The following TCEA3 variants were observed in gnomAD, a reference collection of about 807,000 sequenced individuals.
The protein encoded by TCEA3 is transcription elongation factor A3.
Under a neutral mutation model 44.0 loss-of-function variants are expected in TCEA3, and 36 were observed. That is an observed-to-expected ratio of 0.82 (90% CI 0.63 to 1.08). TCEA3 has a LOEUF of 1.08. Ranked by LOEUF, TCEA3 falls within the 50% of genes least tolerant of loss-of-function variation. The pLI is 0.00. For missense variants in TCEA3, 392 were observed against 441.2 expected (o/e 0.89, Z 1.00); for synonymous variants, 162 against 159.7 (o/e 1.01, Z -0.11).
chr1:23,397,471 C>A, intron 7 of TCEA3, 74 bp downstream of exon 7: 1 of 1,427,026 alleles, frequency 7.0e-7, no homozygotes, highest in Non-Finnish European at 9.7e-7. Context: ...CTCACTCTCC[C>A]AGCTCGCTTG....
intron 4 of TCEA3, among the ~76,000 whole-genome samples, chr1:23,410,274 G>A (rs1162391904): frequency 2.0e-5 from 3 of 152,024 alleles, no homozygotes; most frequent in East Asian, 3.9e-4. Flanking sequence ...CAGTGGGAGA[G>A]GGGAGAGAAG....
intron 5 of TCEA3, among the ~76,000 whole-genome samples, chr1:23,405,994 T>C (rs1639533314): frequency 6.6e-6 from 1 of 152,150 alleles, no homozygotes; most frequent in South Asian, 2.1e-4. Flanking sequence ...ACCCCTACTT[T>C]GGCCCAAGTC....
chr1:23,408,708 G>A lies in TCEA3; in HGVS notation c.399C>T (p.Ser133=), dbSNP rs1330749556. The change falls in exon 5 of 11, where the codon TCC becomes TCT. Residue 133 remains serine, a synonymous_variant. Transcript: ENST00000450454. ...TTGGAGAGGAGGAGGCAGAAGACTTGGAGTCCACAGAGTCTCTCCTGAAAG... is the reference window on the plus strand; with the variant it reads ...TTGGAGAGGAGGAGGCAGAAGACTTAGAGTCCACAGAGTCTCTCCTGAAAG... ...DPKTRRDSVD[S]KSSASSSPKR... 6.2e-7 allele frequency: 1 copy of A among 1,610,400 alleles called. No homozygotes were observed. The highest frequency in any genetic ancestry group is 8.5e-7 in the Non-Finnish European group (1 of 1,178,496).
intron 4 of TCEA3, among the ~76,000 whole-genome samples, chr1:23,409,509 A>G (rs1367869949): frequency 6.6e-6 from 1 of 151,946 alleles, no homozygotes; most frequent in Non-Finnish European, 1.5e-5. Context: ...CTTCCTTTTA[A>G]TTCCATAGCA....
chr1:23,390,549 A>G (rs556056929), intron 8 of TCEA3, among the ~76,000 whole-genome samples: 1 of 152,240 alleles, frequency 6.6e-6, no homozygotes, highest in South Asian at 2.1e-4. Flanking sequence ...TGTTTGGGGA[A>G]AAGTATTTGG....
chr1:23,417,895 C>T lies in TCEA3; in HGVS notation c.238+9G>A. The T allele has an allele frequency of 6.2e-7, 1 of 1,613,508 alleles. No homozygotes were observed. Among genetic ancestry groups the T allele is most frequent in the Non-Finnish European group, 8.5e-7 (1 of 1,179,434 alleles). ...AAACAGGGCTCAAGACAACCTTGTC[C>T]TCTCTCACCTAGCAGCCGCTTCCAG... On this transcript the variant is annotated intron_variant, in intron 3 of 10. Coordinates refer to ENST00000450454, the MANE Select transcript of TCEA3 (RefSeq NM_003196.3).
intron 8 of TCEA3, among the ~76,000 whole-genome samples, chr1:23,392,300 T>G (rs1055555385): frequency 2.8e-4 from 40 of 143,646 alleles, no homozygotes; most frequent in African/African-American, 1.0e-3. Context: ...GCCACACATA[T>G]GCTAATCACA....
At chr1:23,399,166 A>ATATATATC (rs1639319875) in intron 5 of TCEA3, among the ~76,000 whole-genome samples, 1 of 138,072 alleles carries the variant, frequency 7.2e-6, no homozygotes, top group Non-Finnish European at 1.6e-5. Context: ...ATATATATAT[A>ATATATATC]TATATATATA....
rs1570292573 is a variant in TCEA3, at chr1:23,418,144, C to T, written c.133-135G>A. The T allele has an allele frequency of 3.6e-6, 3 of 822,368 alleles. No homozygotes were observed. The East Asian group carries it at 8.0e-5, about 22-fold the overall frequency. The allele number at this position is 822,368 out of a possible 1,614,324, so 50.9% of individuals were successfully genotyped here. A position where few individuals can be genotyped will look rare whatever the true frequency, so the allele number is the denominator to read the frequency against. Reference sequence around the variant, plus strand: ...ACCCCCAGAGTCCTAGCCCTGACTCCTGGCTGAGGTCAGAACCCCACTACT... The same window carrying T: ...ACCCCCAGAGTCCTAGCCCTGACTCTTGGCTGAGGTCAGAACCCCACTACT... On this transcript the variant is annotated intron_variant, in intron 2 of 10. Transcript: ENST00000450454.
intron 5 of TCEA3, among the ~76,000 whole-genome samples, chr1:23,406,170 A>G (rs891498878): frequency 1.3e-5 from 2 of 152,148 alleles, no homozygotes; most frequent in African/African-American, 2.4e-5. Flanking sequence ...TCCCTCTCCA[A>G]TCAGCACTCC....
At chr1:23,383,933 A>G (rs1347808430) in intron 10 of TCEA3, 5 of 1,027,784 alleles carry the variant, frequency 4.9e-6, no homozygotes, top group Non-Finnish European at 5.8e-6. Flanking sequence ...GACAGGGCTC[A>G]GCCTTCCTGT....
intron 9 of TCEA3, among the ~76,000 whole-genome samples, chr1:23,386,789 C>T (rs1364906881): frequency 6.6e-6 from 1 of 152,088 alleles, no homozygotes; most frequent in East Asian, 1.9e-4. Context: ...GGCATGATCT[C>T]GGTTCACTGC....
chr1:23,420,627 A>G (rs1009795616), intron 1 of TCEA3, among the ~76,000 whole-genome samples: 1 of 152,220 alleles, frequency 6.6e-6, no homozygotes, highest in Non-Finnish European at 1.5e-5. Context: ...TAAAGCTTCT[A>G]GGTACATTCA....
intron 8 of TCEA3, among the ~76,000 whole-genome samples, chr1:23,389,304 AT>A (rs1340301754): frequency 2.0e-5 from 3 of 152,138 alleles, no homozygotes; most frequent in Non-Finnish European, 4.4e-5. Context: ...CCAGGTCAAC[AT>A]GGTGAAACCC....
In TCEA3 at chr1:23,419,093, G is replaced by A. The variant is rs1639981300; in HGVS notation, c.116C>T (p.Ser39Phe). The part of the protein sequence containing the change: ...LLKKLHSCQM[S>F]IQLLQTTRIG... ...CCGCCCCACCTGTAGTAGCTGGATG[G>A]ACATCTGGCAGCTGTGCAGCTTCTT... The change falls in exon 2 of 11, where the codon TCC (serine) becomes TTC (phenylalanine). Residue 39 changes from serine to phenylalanine, a missense_variant. By Grantham distance (155) the Ser-to-Phe change is radical (BLOSUM62 -2). Coordinates refer to ENST00000450454, the MANE Select transcript of TCEA3 (RefSeq NM_003196.3). 2 of 1,591,362 alleles carry A rather than the reference G, an allele frequency of 1.3e-6. No homozygotes were observed. Among genetic ancestry groups the A allele is most frequent in the African/African-American group, 2.7e-5 (2 of 73,040 alleles).
chr1:23,400,766 C>A (rs1570257344), intron 5 of TCEA3, among the ~76,000 whole-genome samples: 1 of 152,236 alleles, frequency 6.6e-6, no homozygotes, highest in East Asian at 1.9e-4. Flanking sequence ...CCAAACTGAG[C>A]CCTTGTGGAA....
chr1:23,420,336 G>A (rs1229282270), intron 1 of TCEA3, among the ~76,000 whole-genome samples: 1 of 152,166 alleles, frequency 6.6e-6, no homozygotes, highest in Non-Finnish European at 1.5e-5. Flanking sequence ...CGACTTTCCA[G>A]GCTCAGGTGA....
chr1:23,387,481 G>T, intron 8 of TCEA3, 62 bp from the exon 9 acceptor site: 1 of 1,499,010 alleles, frequency 6.7e-7, no homozygotes, highest in Non-Finnish European at 9.0e-7. Context: ...CCCTACACCC[G>T]GTTTCTAGAA....
intron 9 of TCEA3, among the ~76,000 whole-genome samples, chr1:23,386,371 G>A (rs1480449615): frequency 6.6e-6 from 1 of 152,012 alleles, no homozygotes; most frequent in Non-Finnish European, 1.5e-5. Flanking sequence ...TCCAGTAGCT[G>A]GGACTACAGG....
Sources: allele counts gnomAD v4.1 joint callset (sites outside exome capture counted in the v4.1 genomes callset), GRCh38; gene constraint gnomAD v4.1.1; transcripts MANE v1.5; gene names NCBI Gene and HGNC (gene_info 2026-07-23, HGNC 2026-07-21).